XKR9: variants seen among roughly 807,000 people sequenced by gnomAD.
XKR9 encodes XK related 9.
A neutral mutation model predicts 32.0 loss-of-function variants in XKR9; 32 were observed. That is an observed-to-expected ratio of 1.00 (90% CI 0.76 to 1.34). XKR9 has a LOEUF of 1.34. Among genes scored for constraint, XKR9 ranks in the 40% most tolerant of loss-of-function variants. XKR9 has a pLI of 0.00. For synonymous variants in XKR9, 168 were observed against 143.4 expected (o/e 1.17, Z -1.22); for missense variants, 546 against 429.7 (o/e 1.27, Z -2.39).
chr8:70,687,479 C>T (rs1372620105), intron 3 of XKR9, among the ~76,000 whole-genome samples: 1 of 151,894 alleles, frequency 6.6e-6, no homozygotes. Context: ...AGGTGATCTT[C>T]CCATCTCAGC....
rs62530768 is a variant in XKR9, at chr8:70,688,003, C to A, written c.272+6673C>A. Among the ~76,000 whole-genome samples the A allele has an allele frequency of 7.7e-3, 1,171 of 152,238 alleles. 8 individuals carry two copies. The highest frequency in any genetic ancestry group is 0.012 in the Non-Finnish European group (818 of 68,002). On this transcript the variant is annotated intron_variant, in intron 3 of 4. Coordinates refer to ENST00000408926, the MANE Select transcript of XKR9 (RefSeq NM_001011720.2). ...ATTGTACAGTTTTACTGATTTTATGCTTAGTTGTTTTAAGTGTTGGGGAAA... is the reference window on the plus strand; with the variant it reads ...ATTGTACAGTTTTACTGATTTTATGATTAGTTGTTTTAAGTGTTGGGGAAA...
chr8:70,899,641 G>A, the XKR9 span, among the ~76,000 whole-genome samples: 2 of 151,980 alleles, frequency 1.3e-5, no homozygotes, highest in African/African-American at 4.8e-5. Context: ...TTTTAATTAT[G>A]TCCAGAGTTC....
the XKR9 span, among the ~76,000 whole-genome samples, chr8:70,864,777 T>C: frequency 1.3e-5 from 2 of 152,166 alleles, no homozygotes; most frequent in South Asian, 4.1e-4. Context: ...AGGGGTAATC[T>C]CCTGGATAAT....
chr8:70,920,016 G>T, the XKR9 span, among the ~76,000 whole-genome samples: 20 of 152,140 alleles, frequency 1.3e-4, no homozygotes, highest in Non-Finnish European at 2.9e-4. Flanking sequence ...TCCTTTTTTG[G>T]ACGGTCTTGA....
the XKR9 span, among the ~76,000 whole-genome samples, chr8:70,878,970 A>G: frequency 3.2e-4 from 48 of 152,116 alleles, no homozygotes; most frequent in Non-Finnish European, 1.3e-4. Flanking sequence ...AGACCACAGT[A>G]CAATCAAACT....
chr8:70,822,035 T>G, the XKR9 span, among the ~76,000 whole-genome samples: 1 of 152,234 alleles, frequency 6.6e-6, no homozygotes, highest in Non-Finnish European at 1.5e-5. Flanking sequence ...CAAACTTTTA[T>G]GTGCTGCTTC....
the XKR9 span, among the ~76,000 whole-genome samples, chr8:70,962,082 A>G: frequency 1.3e-5 from 2 of 152,182 alleles, no homozygotes; most frequent in Non-Finnish European, 2.9e-5. Flanking sequence ...TGGTATCTAG[A>G]GTGAATCTTT....
chr8:70,753,638 C>T (rs1807174377), intron 2 of XKR9, among the ~76,000 whole-genome samples: 1 of 152,018 alleles, frequency 6.6e-6, no homozygotes, highest in African/African-American at 2.4e-5. Context: ...TGTAGTCCAG[C>T]ATATAAACAG....
At chr8:70,843,466 C>G in the XKR9 span, among the ~76,000 whole-genome samples, 2 of 152,134 alleles carry the variant, frequency 1.3e-5, no homozygotes, top group Non-Finnish European at 2.9e-5. Flanking sequence ...AGATGGCTGA[C>G]TAGAGGAATA....
In XKR9 at chr8:70,735,153, T is replaced by C. The variant is rs959094905; in HGVS notation, c.*729T>C. ...TTTACCATCTTAATCACTTTGAGTG[T>C]ACAGTTCATCAGTGTTAACTGTATT... On this transcript the variant is annotated 3_prime_UTR_variant, in exon 5 of 5. Transcript: ENST00000408926. The C allele has an allele frequency of 2.6e-5, 4 of 152,064 alleles. No homozygotes were observed. Among genetic ancestry groups the C allele is most frequent in the Non-Finnish European group, 4.4e-5 (3 of 68,010 alleles). The allele number at this position is 152,064 out of a possible 1,614,324, so 9.4% of individuals were successfully genotyped here. A position where few individuals can be genotyped will look rare whatever the true frequency, so the allele number is the denominator to read the frequency against.
the XKR9 span, among the ~76,000 whole-genome samples, chr8:70,964,113 C>A: frequency 1.4e-4 from 21 of 152,152 alleles, no homozygotes; most frequent in African/African-American, 5.1e-4. Flanking sequence ...ACATTTAAGT[C>A]TTCAGTCCAT....
chr8:70,882,172 G>T, the XKR9 span, among the ~76,000 whole-genome samples: 1 of 152,056 alleles, frequency 6.6e-6, no homozygotes. Flanking sequence ...ATGATGAGTT[G>T]ATGGGTGCAG....
the XKR9 span, among the ~76,000 whole-genome samples, chr8:70,815,755 G>T: frequency 2.0e-5 from 3 of 152,012 alleles, no homozygotes; most frequent in Non-Finnish European, 4.4e-5. Context: ...TCGATCTCCT[G>T]ACCTTGTGAT....
the XKR9 span, among the ~76,000 whole-genome samples, chr8:70,913,290 C>T: frequency 6.6e-6 from 1 of 151,962 alleles, no homozygotes; most frequent in Non-Finnish European, 1.5e-5. Context: ...AATCTATTCT[C>T]AGAGAGTTAG....
chr8:70,800,560 A>G, the XKR9 span, among the ~76,000 whole-genome samples: 1 of 152,154 alleles, frequency 6.6e-6, no homozygotes, highest in African/African-American at 2.4e-5. Flanking sequence ...ATTGTGGCTT[A>G]CTGAAACCTT....
the XKR9 span, among the ~76,000 whole-genome samples, chr8:71,017,790 A>G: frequency 6.6e-6 from 1 of 152,174 alleles, no homozygotes; most frequent in South Asian, 2.1e-4. Context: ...ATTTGTCTTG[A>G]CTTTGTAGTG....
At chr8:70,986,403 A>G in the XKR9 span, among the ~76,000 whole-genome samples, 1 of 152,234 alleles carries the variant, frequency 6.6e-6, no homozygotes, top group African/African-American at 2.4e-5. Context: ...TACATTGTCA[A>G]AAATTCCATA....
the XKR9 span, among the ~76,000 whole-genome samples, chr8:71,018,208 G>A: frequency 3.9e-5 from 6 of 152,140 alleles, no homozygotes; most frequent in Admixed American, 3.3e-4. Flanking sequence ...AAAGTGAAAA[G>A]CAGGCTAGTG....
At chr8:70,849,488 C>G in the XKR9 span, among the ~76,000 whole-genome samples, 1 of 152,180 alleles carries the variant, frequency 6.6e-6, no homozygotes, top group Admixed American at 6.6e-5. Flanking sequence ...AAATTTATAG[C>G]ACTAAATGCC....
Sources: allele counts gnomAD v4.1 joint callset (sites outside exome capture counted in the v4.1 genomes callset), GRCh38; gene constraint gnomAD v4.1.1; transcripts MANE v1.5; gene names NCBI Gene and HGNC (gene_info 2026-07-23, HGNC 2026-07-21).